Variants in KRT25 observed in about 807,000 individuals in gnomAD.
The protein encoded by KRT25 is keratin 25.
In KRT25, 37 loss-of-function variants were observed where a neutral mutation model predicts 47.6. The observed-to-expected ratio is 0.78, with a 90% CI of 0.60 to 1.02. The LOEUF (loss-of-function observed/expected upper bound fraction) is 1.02. KRT25 is among the 50% of genes least tolerant of loss of function. The pLI, the probability that KRT25 is intolerant of heterozygous loss-of-function variation, is 0.00. For missense variants in KRT25, 542 were observed against 550.3 expected (o/e 0.98, Z 0.15); for synonymous variants, 203 against 210.2 (o/e 0.97, Z 0.30).
At position 40,753,845 on chromosome 17, in the gene KRT25, A is replaced by G. The variant is rs2038077862; in HGVS notation, c.669+15T>C. 1 of 1,612,784 alleles carries G rather than the reference A, an allele frequency of 6.2e-7. No individual in the cohort carries two copies. The highest frequency in any genetic ancestry group is 1.7e-5 in the Admixed American group (1 of 59,846). On this transcript the variant is annotated intron_variant, in intron 3 of 7. Transcript: ENST00000312150. The stretch of plus-strand genomic sequence containing the variant: ...TCTGCGGAGGGATAGCAAAATGTAG[A>G]CGACCAGCTCTTACCTCTTTATGGT...
chr17:40,749,345 G>A lies in KRT25; in HGVS notation c.1176-20C>T. On this transcript the variant is annotated intron_variant, in intron 6 of 7. Transcript: ENST00000312150. ...CAGGCTCTGTGAAAACATCGCAAAAGAGGGTGATTTAGAGAGAACCCCATC... is the reference window on the plus strand; with the variant it reads ...CAGGCTCTGTGAAAACATCGCAAAAAAGGGTGATTTAGAGAGAACCCCATC... The A allele has an allele frequency of 1.3e-6, 2 of 1,588,062 alleles. No homozygotes were observed. Among genetic ancestry groups the A allele is most frequent in the Non-Finnish European group, 1.7e-6 (2 of 1,156,708 alleles).
intron 7 of KRT25, 110 bp from the exon 8 acceptor site, chr17:40,748,496 A>G (rs1214812800): frequency 1.1e-5 from 7 of 640,916 alleles, no homozygotes; most frequent in East Asian, 9.4e-5. Flanking sequence ...TGCACTAAGC[A>G]CAAATACTTA....
intron 3 of KRT25, 116 bp from the exon 4 acceptor site, chr17:40,751,442 T>TA: frequency 8.9e-7 from 1 of 1,127,798 alleles, no homozygotes; most frequent in South Asian, 1.7e-5. Flanking sequence ...GGCTGTGCAT[T>TA]GACCCCCTCC....
Position 40,754,600 on chromosome 17 carries a change from C to A in KRT25, c.430-132G>T, listed in dbSNP as rs575849927. 8 of 874,072 alleles carry A rather than the reference C, an allele frequency of 9.2e-6. No homozygotes were observed. The South Asian group carries it at 1.1e-4, about 12-fold the overall frequency. The allele number at this position is 874,072 out of a possible 1,614,324, so 54.1% of individuals were successfully genotyped here. ...GGGCATGGTGGCAGGCACCTGTAAT[C>A]CCAGCTACTTGGGAGGCTGAGGCAG... On this transcript the variant is annotated intron_variant, in intron 1 of 7. Coordinates refer to ENST00000312150, the MANE Select transcript of KRT25 (RefSeq NM_181534.4).
At chr17:40,751,398 G>A in intron 3 of KRT25, 72 bp from the exon 4 acceptor site, 1 of 1,485,400 alleles carries the variant, frequency 6.7e-7, no homozygotes, top group Non-Finnish European at 9.0e-7. Flanking sequence ...AGCTTTGGAA[G>A]GGCACTTAGA....
intron 3 of KRT25, among the ~76,000 whole-genome samples, chr17:40,751,912 G>GTA (rs2038054291): frequency 2.0e-5 from 3 of 147,110 alleles, no homozygotes; most frequent in Non-Finnish European, 3.0e-5. Context: ...GTGTGTGTGT[G>GTA]TACCCCTCAG....
chr17:40,751,138 A>T (rs1376604745), intron 4 of KRT25, 27 bp downstream of exon 4: 2 of 1,613,968 alleles, frequency 1.2e-6, no homozygotes, highest in African/African-American at 2.7e-5. Flanking sequence ...TAACATGCAA[A>T]GGGACCGTTT....
At chr17:40,753,434 C>T (rs1597793318) in intron 3 of KRT25, among the ~76,000 whole-genome samples, 2 of 151,268 alleles carry the variant, frequency 1.3e-5, no homozygotes, top group Admixed American at 6.6e-5. Flanking sequence ...CGGTGGCTCA[C>T]GCCTGTAATC....
chr17:40,754,508 A>G, intron 1 of KRT25, 40 bp from the exon 2 acceptor site: 2 of 1,483,330 alleles, frequency 1.3e-6, no homozygotes, highest in South Asian at 1.1e-5. Context: ...AAGTAAACCA[A>G]CTGAATCTAC....
In KRT25 at chr17:40,753,847, G is replaced by C. The variant is rs1400133402; in HGVS notation, c.669+13C>G. ...TGCGGAGGGATAGCAAAATGTAGAC[G>C]ACCAGCTCTTACCTCTTTATGGTTC... is the stretch of plus-strand genomic sequence containing the variant. On this transcript the variant is annotated intron_variant, in intron 3 of 7. Coordinates refer to ENST00000312150, the MANE Select transcript of KRT25 (RefSeq NM_181534.4). 1 of 1,612,454 alleles carries C rather than the reference G, an allele frequency of 6.2e-7. No homozygotes were observed. Among genetic ancestry groups the C allele is most frequent in the African/African-American group, 1.3e-5 (1 of 74,916 alleles).
intron 3 of KRT25, 99 bp from the exon 4 acceptor site, chr17:40,751,425 C>A: frequency 7.4e-7 from 1 of 1,357,976 alleles, no homozygotes; most frequent in African/African-American, 1.5e-5. Context: ...CTGGTTTTCC[C>A]CTCCCAGGCT....
Position 40,755,083 on chromosome 17 carries a change from G to A in KRT25, c.189C>T (p.Pro63=). The change falls in exon 1 of 8, where the codon CCC becomes CCT. Residue 63 remains proline, a synonymous_variant. Transcript: ENST00000312150. ...GCTCATTCACAGTGAAGCCAGCACAGGGATTACCTCCCCCTGTGTTTCCTC... is the reference window on the plus strand; with the variant it reads ...GCTCATTCACAGTGAAGCCAGCACAAGGATTACCTCCCCCTGTGTTTCCTC... ...SSGGNTGGGN[P]CAGFTVNERG... 1.9e-6 allele frequency: 3 copies of A among 1,614,140 alleles called. No homozygotes were observed. The highest frequency in any genetic ancestry group is 3.3e-5 in the Admixed American group (2 of 60,020).
chr17:40,749,262 G>T lies in KRT25; in HGVS notation c.1239C>A (p.Val413=). 6.2e-7 allele frequency: 1 copy of T among 1,610,184 alleles called. No homozygotes were observed. The part of the protein sequence containing the change: ...DYGSGNVGSQ[V]KDPAKAIVVK... ...AACAGATTTCATTTTAATTACCTTT[G>T]ACTTGACTTCCCACATTTCCAGATC... The change falls in exon 7 of 8, where the codon GTC becomes GTA. Residue 413 remains valine (V), a synonymous_variant. Coordinates refer to ENST00000312150, the MANE Select transcript of KRT25 (RefSeq NM_181534.4).
intron 3 of KRT25, among the ~76,000 whole-genome samples, chr17:40,751,550 A>G (rs919271978): frequency 1.2e-4 from 18 of 152,164 alleles, no homozygotes; most frequent in African/African-American, 4.3e-4. Context: ...GAGAGTTTTA[A>G]TTGTTCCAGA....
At chr17:40,749,122 G>T in intron 7 of KRT25, 136 bp downstream of exon 7, 1 of 668,666 alleles carries the variant, frequency 1.5e-6, no homozygotes, top group Non-Finnish European at 2.6e-6. Flanking sequence ...ATTCCTGGAT[G>T]ATCAAATAAT....
In KRT25 at chr17:40,755,216, C is replaced by G. The variant is rs1242869130; in HGVS notation, c.56G>C (p.Gly19Ala). The change falls in exon 1 of 8, where the codon GGA becomes GCA. Residue 19 changes from glycine to alanine, a missense_variant. Physicochemically the swap from Gly to Ala is moderately conservative, Grantham distance 60 (BLOSUM62 0). Coordinates refer to ENST00000312150, the MANE Select transcript of KRT25 (RefSeq NM_181534.4). The stretch of plus-strand genomic sequence containing the variant: ...TCCCCCACCATAGAGTCTGAGTGAT[C>G]CAGTGGTGGGACGAGGACAGGACCT... Reference protein sequence around the residue: ...SRRSCPRPTTGSLRLYGGGTS... With the variant: ...SRRSCPRPTTASLRLYGGGTS... 1.2e-6 allele frequency: 2 copies of G among 1,614,062 alleles called. No homozygotes were observed. Among genetic ancestry groups the G allele is most frequent in the East Asian group, 4.5e-5 (2 of 44,904 alleles).
Position 40,749,146 on chromosome 17 carries a change from C to T in KRT25, c.1243+112G>A. The T allele has an allele frequency of 1.8e-5, 14 of 768,736 alleles. No individual in the cohort carries two copies. In the South Asian group the frequency reaches 2.3e-4, roughly 12 times the overall value. 47.6% of individuals were successfully genotyped at this position (768,736 alleles called of 1,614,324 possible). A position where few individuals can be genotyped will look rare whatever the true frequency, so the allele number is the denominator to read the frequency against. On this transcript the variant is annotated intron_variant, in intron 7 of 7. Transcript: ENST00000312150. ...TGATCAAATAATATGCACAACAAACCTCCGTGACACGTGTTTACCTATGTA... is the reference window on the plus strand; with the variant it reads ...TGATCAAATAATATGCACAACAAACTTCCGTGACACGTGTTTACCTATGTA...
At chr17:40,752,157 A>C (rs980046859) in intron 3 of KRT25, among the ~76,000 whole-genome samples, 2 of 152,088 alleles carry the variant, frequency 1.3e-5, no homozygotes, top group Non-Finnish European at 2.9e-5. Flanking sequence ...CAAAGAACTA[A>C]TAATAATAAT....
chr17:40,749,418 A>G (rs961322432), intron 6 of KRT25, 93 bp from the exon 7 acceptor site: 5 of 908,512 alleles, frequency 5.5e-6, no homozygotes, highest in Non-Finnish European at 7.3e-6. Context: ...GGTAGTTTCA[A>G]CTGTGTAACC....
Sources: allele counts gnomAD v4.1 joint callset (sites outside exome capture counted in the v4.1 genomes callset), GRCh38; gene constraint gnomAD v4.1.1; transcripts MANE v1.5; gene names NCBI Gene and HGNC (gene_info 2026-07-23, HGNC 2026-07-21).